NCKAP5: variants seen among roughly 807,000 people sequenced by gnomAD.
NCKAP5 encodes the protein NCK associated protein 5.
A neutral mutation model predicts 167.0 loss-of-function variants in NCKAP5; 92 were observed. The observed-to-expected ratio is 0.55, with a 90% CI of 0.47 to 0.66. NCKAP5 has a LOEUF of 0.66. Among genes scored for constraint, NCKAP5 ranks in the 30% least tolerant of loss-of-function variants. The pLI is 0.00. For missense variants in NCKAP5, 2,378 were observed against 2,315.0 expected (o/e 1.03, Z -0.56); for synonymous variants, 891 against 877.4 (o/e 1.02, Z -0.27).
intron 8 of NCKAP5, among the ~76,000 whole-genome samples, chr2:132,879,477 C>T (rs903811845): frequency 2.6e-5 from 4 of 152,174 alleles, no homozygotes; most frequent in African/African-American, 7.2e-5. Flanking sequence ...ACTGCTTTCT[C>T]GCTCCTTAGA....
At chr2:133,302,799 A>T (rs970722713) in intron 4 of NCKAP5, among the ~76,000 whole-genome samples, 10 of 151,244 alleles carry the variant, frequency 6.6e-5, no homozygotes, top group East Asian at 1.9e-4. Flanking sequence ...TAAAAATAAA[A>T]AAAATAAATA....
chr2:132,956,536 G>T (rs558428824), intron 8 of NCKAP5, among the ~76,000 whole-genome samples: 4 of 152,102 alleles, frequency 2.6e-5, no homozygotes, highest in Admixed American at 6.5e-5. Context: ...TCTCTCTCCC[G>T]CATCATCGAT....
At position 132,989,295 on chromosome 2, in the gene NCKAP5, G is replaced by A. The variant is rs149934652; in HGVS notation, c.429+4857C>T. ...TTTATGCTTAATTGCCCCCTTTCAT[G>A]TCTAATTGTAATTTTTTTCTAACAT... On this transcript the variant is annotated intron_variant, in intron 7 of 19. Coordinates refer to ENST00000409261, the MANE Select transcript of NCKAP5 (RefSeq NM_207363.3). Among the ~76,000 whole-genome samples, 377 of 152,220 alleles carry A rather than the reference G, an allele frequency of 2.5e-3. 1 individual carries two copies. Among genetic ancestry groups the A allele is most frequent in the African/African-American group, 8.1e-3 (338 of 41,544 alleles).
the NCKAP5 span, among the ~76,000 whole-genome samples, chr2:133,671,147 G>C: frequency 6.7e-6 from 1 of 149,746 alleles, no homozygotes; most frequent in Non-Finnish European, 1.5e-5. Flanking sequence ...CCCAGGAGGC[G>C]GAGTTTGCAG....
intron 6 of NCKAP5, among the ~76,000 whole-genome samples, chr2:132,996,876 C>A (rs1166864991): frequency 6.6e-6 from 1 of 152,200 alleles, no homozygotes; most frequent in African/African-American, 2.4e-5. Flanking sequence ...TTCATAGACC[C>A]AAACTCTGGG....
intron 9 of NCKAP5, among the ~76,000 whole-genome samples, chr2:132,871,937 A>G (rs1160815829): frequency 6.6e-6 from 1 of 152,178 alleles, no homozygotes; most frequent in Non-Finnish European, 1.5e-5. Context: ...TGTGCCTGCA[A>G]CCTCTACTAG....
chr2:133,554,743 G>A (rs1448716976), intron 2 of NCKAP5, among the ~76,000 whole-genome samples: 1 of 152,142 alleles, frequency 6.6e-6, no homozygotes, highest in Non-Finnish European at 1.5e-5. Flanking sequence ...AAGTTCATTG[G>A]GGTGCTTGGT....
intron 16 of NCKAP5, among the ~76,000 whole-genome samples, chr2:132,770,420 TATA>T (rs1214191570): frequency 6.8e-6 from 1 of 148,010 alleles, no homozygotes; most frequent in African/African-American, 2.4e-5. Flanking sequence ...TATATAATAA[TATA>T]GTATATATAT....
intron 19 of NCKAP5, among the ~76,000 whole-genome samples, chr2:132,677,909 G>A (rs1442833394): frequency 2.0e-5 from 3 of 152,038 alleles, no homozygotes; most frequent in Non-Finnish European, 4.4e-5. Context: ...CTTTCCACGC[G>A]ATATTTATGG....
intron 3 of NCKAP5, among the ~76,000 whole-genome samples, chr2:133,333,157 A>G (rs1682979131): frequency 6.6e-6 from 1 of 152,210 alleles, no homozygotes; most frequent in African/African-American, 2.4e-5. Context: ...TTAGTTCAGA[A>G]GTGCACTTTC....
rs752661862 is a variant in NCKAP5, at chr2:133,130,109, A to T, written c.210T>A (p.His70Gln). 2.5e-5 allele frequency: 40 copies of T among 1,608,012 alleles called. No individual in the cohort carries two copies. The highest frequency in any genetic ancestry group is 3.2e-5 in the Non-Finnish European group (38 of 1,178,354). Residue 70 changes from histidine (H) to glutamine (Q), a missense_variant and splice_region_variant, in exon 6 of 20, where the codon CAT (histidine) becomes CAA (glutamine). By Grantham distance (24) the His-to-Gln change is conservative. This residue lies in a region of NCKAP5 where 1,049 missense variants were observed against 1,023.4 expected (regional missense o/e 1.02). Transcript: ENST00000409261. ...CTTCCAGTTCATGTATCAGCTTCTCATGCTATAAAAGACACAAAGGGGATG... is the reference window on the plus strand; with the variant it reads ...CTTCCAGTTCATGTATCAGCTTCTCTTGCTATAAAAGACACAAAGGGGATG... ...VAQRTSEGAMHEKLIHELEEE... is the reference protein window; with the variant it reads ...VAQRTSEGAMQEKLIHELEEE...
intron 6 of NCKAP5, among the ~76,000 whole-genome samples, chr2:132,998,931 C>A (rs1412756579): frequency 2.6e-5 from 4 of 152,260 alleles, no homozygotes; most frequent in Non-Finnish European, 4.4e-5. Flanking sequence ...TGTCTTCTAG[C>A]TCTCCATCTC....
chr2:133,507,447 A>G (rs1683109981), intron 3 of NCKAP5, among the ~76,000 whole-genome samples: 1 of 152,252 alleles, frequency 6.6e-6, no homozygotes. Flanking sequence ...ACAGAAGGCA[A>G]GCAAACCTCA....
At chr2:133,031,210 A>G (rs904558428) in intron 6 of NCKAP5, among the ~76,000 whole-genome samples, 2 of 152,070 alleles carry the variant, frequency 1.3e-5, no homozygotes, top group African/African-American at 4.8e-5. Context: ...AGATTTTTTT[A>G]AAAATCCTGA....
intron 6 of NCKAP5, among the ~76,000 whole-genome samples, chr2:133,038,198 C>A (rs2079097825): frequency 6.6e-6 from 1 of 152,046 alleles, no homozygotes; most frequent in African/African-American, 2.4e-5. Flanking sequence ...TTTATAATAG[C>A]TAAGATTTGG....
At chr2:133,534,375 T>C (rs1320182069) in intron 2 of NCKAP5, among the ~76,000 whole-genome samples, 1 of 152,206 alleles carries the variant, frequency 6.6e-6, no homozygotes, top group Non-Finnish European at 1.5e-5. Context: ...ATTTAAAGTG[T>C]ACACTTTATT....
chr2:132,886,302 C>A lies in NCKAP5; in HGVS notation c.580-7386G>T, dbSNP rs148640240. On this transcript the variant is annotated intron_variant, in intron 8 of 19. Transcript: ENST00000409261. The stretch of plus-strand genomic sequence containing the variant: ...ATTTAATACTATCTATACCTGGAGA[C>A]AACTTTTTAAAAACACTTGAGAGTA... 1.1e-3 allele frequency among the ~76,000 whole-genome samples: 168 copies of A among 152,316 alleles called. 1 individual carries two copies. Among genetic ancestry groups the A allele is most frequent in the African/African-American group, 3.8e-3 (157 of 41,580 alleles).
intron 19 of NCKAP5, among the ~76,000 whole-genome samples, chr2:132,717,187 T>C (rs943957909): frequency 1.3e-5 from 2 of 152,194 alleles, no homozygotes; most frequent in African/African-American, 2.4e-5. Context: ...ACAAATCCCT[T>C]GTGTCCCACT....
At chr2:132,932,772 C>A (rs1204522396) in intron 8 of NCKAP5, among the ~76,000 whole-genome samples, 2 of 152,132 alleles carry the variant, frequency 1.3e-5, no homozygotes, top group African/African-American at 4.8e-5. Flanking sequence ...GGTCATGCAA[C>A]CATCCCTAGG....
Sources: gnomAD v4.1 joint callset for allele counts (sites outside exome capture counted in the v4.1 genomes callset) on GRCh38, gnomAD v4.1.1 for gene constraint, gnomAD v4.1.1 regional missense constraint, MANE v1.5 for transcripts, NCBI Gene and HGNC (gene_info 2026-07-23, HGNC 2026-07-21) for gene names.